Variants in FGGY observed in about 807,000 individuals in gnomAD.
FGGY encodes FGGY carbohydrate kinase domain containing.
In FGGY, 72 loss-of-function variants were observed where a neutral mutation model predicts 71.3. The ratio of observed to expected loss-of-function variants is 1.01; its 90% CI spans 0.84 to 1.23. FGGY has a LOEUF of 1.23. FGGY is among the 50% of genes most tolerant of loss of function. FGGY has a pLI of 0.00. For synonymous variants in FGGY, 251 were observed against 250.3 expected (o/e 1.00, Z -0.02); for missense variants, 668 against 682.3 (o/e 0.98, Z 0.23).
intron 14 of FGGY, among the ~76,000 whole-genome samples, chr1:59,712,628 G>A (rs1368354419): frequency 6.6e-6 from 1 of 152,178 alleles, no homozygotes; most frequent in East Asian, 1.9e-4. Context: ...GCACTGGCAG[G>A]TTCAGCACTA....
At chr1:59,606,877 T>A (rs2096628822) in intron 8 of FGGY, among the ~76,000 whole-genome samples, 1 of 151,644 alleles carries the variant, frequency 6.6e-6, no homozygotes, top group South Asian at 2.1e-4. Flanking sequence ...CCACACTATA[T>A]TCTATTTGTC....
intron 14 of FGGY, among the ~76,000 whole-genome samples, chr1:59,742,399 G>A (rs984214822): frequency 1.3e-5 from 2 of 152,150 alleles, no homozygotes; most frequent in Non-Finnish European, 2.9e-5. Flanking sequence ...ATTGAAACAC[G>A]CTTCCACTGA....
At chr1:59,708,614 G>A (rs2097772289) in intron 14 of FGGY, among the ~76,000 whole-genome samples, 1 of 152,206 alleles carries the variant, frequency 6.6e-6, no homozygotes, top group Non-Finnish European at 1.5e-5. Flanking sequence ...GTTATGTGAG[G>A]TGGGTAGATA....
intron 8 of FGGY, among the ~76,000 whole-genome samples, chr1:59,596,939 G>T (rs972352805): frequency 6.6e-6 from 1 of 152,086 alleles, no homozygotes; most frequent in Non-Finnish European, 1.5e-5. Flanking sequence ...AATCCCCTTT[G>T]TTATAGAGAA....
At chr1:59,492,924 A>AGGT (rs559281598) in intron 6 of FGGY, among the ~76,000 whole-genome samples, 90 of 152,292 alleles carry the variant, frequency 5.9e-4, no homozygotes, top group Admixed American at 5.2e-3. Context: ...TTAAGGCTTC[A>AGGT]GGTTGCTTCA....
chr1:59,710,034 C>G (rs955888092), intron 14 of FGGY, among the ~76,000 whole-genome samples: 2 of 152,094 alleles, frequency 1.3e-5, no homozygotes, highest in Non-Finnish European at 2.9e-5. Context: ...AAAACATGCC[C>G]CCACCCCTAG....
intron 1 of FGGY, among the ~76,000 whole-genome samples, chr1:59,298,237 C>T (rs1447442560): frequency 6.6e-6 from 1 of 152,144 alleles, no homozygotes; most frequent in Non-Finnish European, 1.5e-5. Context: ...GTTAATGGGG[C>T]CCTCATGCTT....
chr1:59,297,844 C>A (rs1450888173), intron 1 of FGGY, among the ~76,000 whole-genome samples: 1 of 151,336 alleles, frequency 6.6e-6, no homozygotes, highest in African/African-American at 2.4e-5. Context: ...TGACAAGGTG[C>A]AAAATGGTGA....
intron 9 of FGGY, among the ~76,000 whole-genome samples, chr1:59,611,724 C>G (rs2096682483): frequency 6.6e-6 from 1 of 152,090 alleles, no homozygotes; most frequent in Non-Finnish European, 1.5e-5. Flanking sequence ...AAGTTCGAAC[C>G]CATGGCAAAG....
intron 14 of FGGY, among the ~76,000 whole-genome samples, chr1:59,735,810 C>G (rs535350539): frequency 7.9e-5 from 12 of 152,298 alleles, no homozygotes; most frequent in Admixed American, 6.5e-4. Flanking sequence ...AGTATCATCT[C>G]TTTTATTTAT....
At chr1:59,612,762 C>T (rs1462176131) in intron 9 of FGGY, among the ~76,000 whole-genome samples, 2 of 152,086 alleles carry the variant, frequency 1.3e-5, no homozygotes, top group African/African-American at 4.8e-5. Flanking sequence ...ATCTCACGTG[C>T]GGAGACACAC....
chr1:59,597,945 C>A (rs1404873783), intron 8 of FGGY, among the ~76,000 whole-genome samples: 1 of 152,224 alleles, frequency 6.6e-6, no homozygotes, highest in Non-Finnish European at 1.5e-5. Flanking sequence ...GACTCAGGAT[C>A]CACCTCACTA....
chr1:59,367,252 A>G (rs1351984538), intron 4 of FGGY, among the ~76,000 whole-genome samples: 2 of 152,170 alleles, frequency 1.3e-5, no homozygotes, highest in East Asian at 3.9e-4. Flanking sequence ...TATTTTATTC[A>G]TTCTGAGAAG....
intron 5 of FGGY, among the ~76,000 whole-genome samples, chr1:59,431,900 T>A (rs1280008585): frequency 6.6e-6 from 1 of 152,154 alleles, no homozygotes; most frequent in Non-Finnish European, 1.5e-5. Context: ...TCCTAAGCGA[T>A]AGAGCATCTT....
intron 8 of FGGY, among the ~76,000 whole-genome samples, chr1:59,595,554 G>A (rs2096512164): frequency 6.6e-6 from 1 of 152,080 alleles, no homozygotes. Context: ...GCCGGGCTTG[G>A]TGGTGAGCAA....
intron 9 of FGGY, among the ~76,000 whole-genome samples, chr1:59,613,803 T>C (rs1366576886): frequency 4.6e-5 from 7 of 152,064 alleles, no homozygotes; most frequent in African/African-American, 1.7e-4. Context: ...CAATAAAAAA[T>C]GATAAAGGGG....
At chr1:59,455,656 G>T (rs546390719) in intron 5 of FGGY, among the ~76,000 whole-genome samples, 182 of 152,096 alleles carry the variant, frequency 1.2e-3, no homozygotes, top group Non-Finnish European at 2.2e-3. Flanking sequence ...AGATTATAAG[G>T]CAATAAGACT....
At chr1:59,314,709 A>G (rs1383284549) in intron 1 of FGGY, among the ~76,000 whole-genome samples, 2 of 152,202 alleles carry the variant, frequency 1.3e-5, no homozygotes, top group Non-Finnish European at 1.5e-5. Flanking sequence ...TCCCAAATGC[A>G]GTGACTATTT....
At chr1:59,592,955 GT>G (rs1029656304) in intron 8 of FGGY, among the ~76,000 whole-genome samples, 40 of 151,144 alleles carry the variant, frequency 2.6e-4, no homozygotes, top group Non-Finnish European at 5.1e-4. Flanking sequence ...ATAAGAAAAA[GT>G]AAAAATAAAA....
Sources: gnomAD v4.1 joint callset for allele counts (sites outside exome capture counted in the v4.1 genomes callset) on GRCh38, gnomAD v4.1.1 for gene constraint, MANE v1.5 for transcripts, NCBI Gene and HGNC (gene_info 2026-07-23, HGNC 2026-07-21) for gene names.